Variants in TRPS1 observed in about 807,000 individuals in gnomAD.
TRPS1 encodes zinc finger transcription factor Trps1.
Under a neutral mutation model 101.2 loss-of-function variants are expected in TRPS1, and 6 were observed. That is an observed-to-expected ratio of 0.06 (90% CI 0.03 to 0.12). The LOEUF is 0.12. Among genes scored for constraint, TRPS1 ranks in the 10% least tolerant of loss-of-function variants. The pLI is 1.00. For missense variants in TRPS1, 1,363 were observed against 1,567.0 expected, an observed-to-expected ratio of 0.87 and a Z score of 2.20; for synonymous variants, 578 against 589.8, an observed-to-expected ratio of 0.98 and a Z score of 0.29.
At chr8:115,557,429 G>T (rs1443896805) in intron 5 of TRPS1, among the ~76,000 whole-genome samples, 1 of 152,068 alleles carries the variant, frequency 6.6e-6, no homozygotes, top group African/African-American at 2.4e-5. Context: ...ATCTTGAATT[G>T]CAGGTCCCAT....
chr8:115,603,766 A>G, intron 4 of TRPS1, 107 bp downstream of exon 4: 1 of 1,351,920 alleles, frequency 7.4e-7, no homozygotes, highest in Non-Finnish European at 1.0e-6. Context: ...TAACTTCCCC[A>G]AGTCATTGGA....
rs1817484227 is a variant in TRPS1, at chr8:115,582,936, T to A, written c.2700+4065A>T. Among the ~76,000 whole-genome samples, 2 of 152,180 alleles carry A rather than the reference T, an allele frequency of 1.3e-5. 1 individual carries two copies. The highest frequency in any genetic ancestry group is 4.1e-4 in the South Asian group (2 of 4,832). ...ATCTATAACATTCCGTTTTGACAAA[T>A]AACATGGAGGAGTTTACCTGAATGT... On this transcript the variant is annotated intron_variant, in intron 5 of 6. Transcript: ENST00000395715.
At chr8:115,469,247 G>A (rs528688949) in intron 5 of TRPS1, among the ~76,000 whole-genome samples, 1 of 152,302 alleles carries the variant, frequency 6.6e-6, no homozygotes, top group East Asian at 1.9e-4. Context: ...CTTATTCACA[G>A]TTGCATAACA....
rs377340652 is a variant in TRPS1, at chr8:115,619,424, G to A, written c.674C>T (p.Pro225Leu). Reference sequence around the variant, plus strand: ...CTGAAGCTCTGGAGACAGAGGTGCCGGGTCTGGGTTGTCATTCACCAGTAA... The same window carrying A: ...CTGAAGCTCTGGAGACAGAGGTGCCAGGTCTGGGTTGTCATTCACCAGTAA... Reference protein sequence around the residue: ...TDLLVNDNPDPAPLSPELQDF... With the variant: ...TDLLVNDNPDLAPLSPELQDF... Residue 225 changes from proline (P) to leucine (L), a missense_variant, in exon 3 of 7, where the codon CCG (proline) becomes CTG (leucine). Around this residue, in one of 5 missense-constraint regions of TRPS1, gnomAD observed 1,020 missense variants for 1,073.0 expected, o/e 0.95. Coordinates refer to ENST00000395715, the MANE Select transcript of TRPS1 (RefSeq NM_014112.5). The A allele has an allele frequency of 1.2e-5, 19 of 1,614,038 alleles. No individual in the cohort carries two copies. The highest frequency in any genetic ancestry group is 5.3e-5 in the African/African-American group (4 of 74,910).
chr8:115,663,736 A>C (rs1012894576), intron 1 of TRPS1, among the ~76,000 whole-genome samples: 1 of 151,432 alleles, frequency 6.6e-6, no homozygotes, highest in Non-Finnish European at 1.5e-5. Context: ...AAAAAAAAAA[A>C]AAAAAAACTG....
intron 5 of TRPS1, among the ~76,000 whole-genome samples, chr8:115,463,110 A>C (rs1814229213): frequency 6.6e-6 from 1 of 152,200 alleles, no homozygotes; most frequent in Non-Finnish European, 1.5e-5. Flanking sequence ...AAAGTGTTTG[A>C]ATAAATGCAT....
intron 5 of TRPS1, among the ~76,000 whole-genome samples, chr8:115,532,971 A>G (rs1488593153): frequency 6.6e-6 from 1 of 152,198 alleles, no homozygotes; most frequent in Non-Finnish European, 1.5e-5. Context: ...ACAGGAAAGA[A>G]GAGAAGTTCA....
At chr8:115,637,723 G>C (rs768075774) in intron 1 of TRPS1, among the ~76,000 whole-genome samples, 9 of 152,048 alleles carry the variant, frequency 5.9e-5, no homozygotes, top group Non-Finnish European at 1.2e-4. Flanking sequence ...TAAATGAGTA[G>C]GTGCTGCTTA....
Position 115,500,105 on chromosome 8 carries a change from C to T in TRPS1, c.2701-81653G>A, listed in dbSNP as rs187250008. On this transcript the variant is annotated intron_variant, in intron 5 of 6. Transcript: ENST00000395715. ...TGTGCAGTGGCATGATCTCAACTCA[C>T]TGGAACCTTTGCCTCCCAGGTTTAA... Among the ~76,000 whole-genome samples, 154 of 152,188 alleles carry T rather than the reference C, an allele frequency of 1.0e-3. 1 individual carries two copies. Among genetic ancestry groups the T allele is most frequent in the African/African-American group, 3.4e-3 (142 of 41,492 alleles).
Position 115,642,071 on chromosome 8 carries a change from A to C in TRPS1, c.-121-18313T>G, listed in dbSNP as rs191871141. The stretch of plus-strand genomic sequence containing the variant: ...TTACAAAAAATTAGAAAATTAGCAA[A>C]GGCATGATGGCTTGTGCCTGTAGTC... On this transcript the variant is annotated intron_variant, in intron 1 of 6. Transcript: ENST00000395715. Among the ~76,000 whole-genome samples the C allele has an allele frequency of 2.9e-3, 442 of 152,022 alleles. 6 individuals are homozygous for C. The highest frequency in any genetic ancestry group is 0.01 in the African/African-American group (422 of 41,478).
chr8:115,667,879 T>G (rs1032866769), intron 1 of TRPS1: 5 of 1,535,384 alleles, frequency 3.3e-6, no homozygotes, highest in Non-Finnish European at 4.4e-6. Flanking sequence ...CTTACTACTC[T>G]GCATGCTGGT....
chr8:115,616,227 G>C (rs1818273761), intron 3 of TRPS1, among the ~76,000 whole-genome samples: 1 of 152,126 alleles, frequency 6.6e-6, no homozygotes, highest in South Asian at 2.1e-4. Context: ...TTATTTGGCA[G>C]TATTTTTACA....
chr8:115,541,426 A>G (rs903957915), intron 5 of TRPS1, among the ~76,000 whole-genome samples: 1 of 152,188 alleles, frequency 6.6e-6, no homozygotes, highest in Admixed American at 6.5e-5. Flanking sequence ...AGTGTAACCA[A>G]TTTTCACTGG....
At chr8:115,631,779 A>G (rs1818651602) in intron 1 of TRPS1, among the ~76,000 whole-genome samples, 1 of 152,122 alleles carries the variant, frequency 6.6e-6, no homozygotes, top group African/African-American at 2.4e-5. Context: ...AGCTAGAAAA[A>G]TGCTAAAGTT....
chr8:115,631,122 G>T (rs1026274845), intron 1 of TRPS1, among the ~76,000 whole-genome samples: 11 of 151,886 alleles, frequency 7.2e-5, no homozygotes, highest in African/African-American at 2.7e-4. Context: ...CTCTAAAATG[G>T]ATTCACTTCT....
intron 5 of TRPS1, among the ~76,000 whole-genome samples, chr8:115,568,195 A>G (rs1817114536): frequency 6.6e-6 from 1 of 152,136 alleles, no homozygotes; most frequent in Non-Finnish European, 1.5e-5. Flanking sequence ...AATGCCAGAC[A>G]CATTTTATAT....
chr8:115,630,643 A>G (rs1000566378), intron 1 of TRPS1, among the ~76,000 whole-genome samples: 36 of 152,016 alleles, frequency 2.4e-4, no homozygotes, highest in African/African-American at 8.7e-4. Context: ...AAAATATTTC[A>G]TGTTCTTATT....
In TRPS1 at chr8:115,642,037, A is replaced by G. The variant is rs1258390110; in HGVS notation, c.-121-18279T>C. Reference sequence around the variant, plus strand: ...GGACCAGCCTGGAAAATACAGCAAGACTCCGTCTTTACAAAAAATTAGAAA... The same window carrying G: ...GGACCAGCCTGGAAAATACAGCAAGGCTCCGTCTTTACAAAAAATTAGAAA... On this transcript the variant is annotated intron_variant, in intron 1 of 6. Coordinates refer to ENST00000395715, the MANE Select transcript of TRPS1 (RefSeq NM_014112.5). 2.0e-5 allele frequency among the ~76,000 whole-genome samples: 3 copies of G among 151,850 alleles called. No homozygotes were observed. In the East Asian group the frequency reaches 5.8e-4, roughly 29 times the overall value.
chr8:115,572,735 A>G (rs1207667241), intron 5 of TRPS1, among the ~76,000 whole-genome samples: 2 of 152,310 alleles, frequency 1.3e-5, no homozygotes, highest in Non-Finnish European at 2.9e-5. Context: ...TATCCATTAG[A>G]TATTTTCATC....
Sources: gnomAD v4.1 joint callset for allele counts (sites outside exome capture counted in the v4.1 genomes callset) on GRCh38, gnomAD v4.1.1 for gene constraint, gnomAD v4.1.1 regional missense constraint, MANE v1.5 for transcripts, NCBI Gene and HGNC (gene_info 2026-07-23, HGNC 2026-07-21) for gene names.